Variants in DST observed in about 807,000 individuals in gnomAD.
DST encodes the protein bullous pemphigoid antigen.
Under a neutral mutation model 875.2 loss-of-function variants are expected in DST, and 253 were observed. The observed-to-expected ratio is 0.29, with a 90% CI of 0.26 to 0.32. DST has a LOEUF of 0.32. Among genes scored for constraint, DST ranks in the 10% least tolerant of loss-of-function variants. DST has a pLI of 1.00. For missense variants in DST, 8,287 were observed against 9,111.6 expected (o/e 0.91, Z 3.68); for synonymous variants, 3,124 against 3,197.1 (o/e 0.98, Z 0.77).
At chr6:56,596,282 C>T (rs1330951418) in intron 47 of DST, among the ~76,000 whole-genome samples, 2 of 152,136 alleles carry the variant, frequency 1.3e-5, no homozygotes, top group African/African-American at 4.8e-5. Context: ...CCGCCTCAGC[C>T]TCCCAAAGTG....
At chr6:56,827,728 C>G (rs2099782455) in intron 4 of DST, among the ~76,000 whole-genome samples, 1 of 152,098 alleles carries the variant, frequency 6.6e-6, no homozygotes, top group Non-Finnish European at 1.5e-5. Flanking sequence ...ATAGAGGGAA[C>G]TGAGGACACC....
intron 2 of DST, among the ~76,000 whole-genome samples, chr6:56,912,804 C>T (rs76142546): frequency 0.012 from 1,809 of 152,244 alleles, 34 homozygotes; most frequent in East Asian, 0.039. Context: ...GTACATCAGA[C>T]CTGTAAATGG....
intron 8 of DST, among the ~76,000 whole-genome samples, chr6:56,700,045 G>A (rs2099289301): frequency 1.3e-5 from 2 of 152,192 alleles, no homozygotes; most frequent in African/African-American, 2.4e-5. Flanking sequence ...GTTAGCAGCG[G>A]CCCAGGAAGC....
At chr6:56,763,248 CA>C (rs2099622063) in intron 4 of DST, among the ~76,000 whole-genome samples, 1 of 152,186 alleles carries the variant, frequency 6.6e-6, no homozygotes, top group Non-Finnish European at 1.5e-5. Flanking sequence ...ATATTTCAGG[CA>C]GGTCCACATA....
chr6:56,514,263 C>T (rs1055911289), intron 72 of DST, among the ~76,000 whole-genome samples: 2 of 152,118 alleles, frequency 1.3e-5, no homozygotes, highest in African/African-American at 4.8e-5. Context: ...AAGTAGATAT[C>T]AGATTTCTGC....
rs781369739 is a variant in DST, at chr6:56,788,128, C to CAAAAA, written c.626-52844_626-52840dup. ...TGAGTGACAGAGCAAGACTCCGTCTCAAAAAAAAAAAAAAAAAAAAAAAAA... is the reference window on the plus strand; with the variant it reads ...TGAGTGACAGAGCAAGACTCCGTCTCAAAAAAAAAAAAAAAAAAAAAAAAAAAAAA... On this transcript the variant is annotated intron_variant, in intron 4 of 103. Coordinates refer to ENST00000680361, the MANE Select transcript of DST (RefSeq NM_001374736.1). Among the ~76,000 whole-genome samples, 36 of 26,602 alleles carry CAAAAA rather than the reference C, an allele frequency of 1.4e-3. 4 individuals carry two copies. Among genetic ancestry groups the CAAAAA allele is most frequent in the African/African-American group, 5.2e-3 (27 of 5,146 alleles). 17.5% of individuals were successfully genotyped at this position (26,602 alleles called of 152,430 possible).
intron 90 of DST, among the ~76,000 whole-genome samples, chr6:56,478,866 A>AAT (rs1398861672): frequency 6.6e-6 from 1 of 152,210 alleles, no homozygotes; most frequent in Non-Finnish European, 1.5e-5. Context: ...TAGGCAAAGA[A>AAT]TTTATGACAA....
intron 46 of DST, 92 bp downstream of exon 46, chr6:56,598,384 C>A (rs1297993928): frequency 2.1e-5 from 16 of 751,664 alleles, no homozygotes; most frequent in Non-Finnish European, 3.2e-5. Context: ...TAGTGATAAT[C>A]CTTATTTACT....
intron 3 of DST, among the ~76,000 whole-genome samples, chr6:56,856,419 C>T (rs1767882260): frequency 6.6e-6 from 1 of 152,028 alleles, no homozygotes; most frequent in African/African-American, 2.4e-5. Flanking sequence ...TTTCATAAAC[C>T]CACATACCCA....
In DST at chr6:56,629,533, A is replaced by G. The variant is rs191321248; in HGVS notation, c.4282-90T>C. 495 of 957,556 alleles carry G rather than the reference A, an allele frequency of 5.2e-4. 3 individuals are homozygous for G. The highest frequency in any genetic ancestry group is 3.1e-3 in the Middle Eastern group (10 of 3,238). 59.3% of individuals were successfully genotyped at this position (957,556 alleles called of 1,614,324 possible). On this transcript the variant is annotated intron_variant, in intron 31 of 103. Coordinates refer to ENST00000680361, the MANE Select transcript of DST (RefSeq NM_001374736.1). ...TACCTAATTTTACAATTTATTTACA[A>G]ATGACAGGTAGAAAATAAGATAAAG... is the stretch of plus-strand genomic sequence containing the variant.
rs2098329229 is a variant in DST, at chr6:56,593,853, C to G, written c.12536G>C (p.Ser4179Thr). ...GTGAGAAATAACGTCTTCTGAGAAA[C>G]TCTTCTGCCTCTTCAATTTGGTCAT... ...GLMTKLKRQK[S>T]FSEDVISHKG... Residue 4179 changes from serine to threonine, a missense_variant, in exon 48 of 104, where the codon AGT becomes ACT. Coordinates refer to ENST00000680361, the MANE Select transcript of DST (RefSeq NM_001374736.1). The G allele has an allele frequency of 6.2e-7, 1 of 1,613,814 alleles. No individual in the cohort carries two copies. Among genetic ancestry groups the G allele is most frequent in the Admixed American group, 1.7e-5 (1 of 60,000 alleles).
intron 55 of DST, among the ~76,000 whole-genome samples, chr6:56,567,080 G>A (rs560161052): frequency 1.3e-5 from 2 of 152,188 alleles, no homozygotes; most frequent in African/African-American, 2.4e-5. Flanking sequence ...AAACACCACT[G>A]TGGGAACCAA....
rs1469056120 is a variant in DST, at chr6:56,472,112, G to A, written c.22105C>T (p.Leu7369=). The change falls in exon 94 of 104, where the codon CTG becomes TTG. Residue 7369 remains leucine (L), a synonymous_variant. Transcript: ENST00000680361. The stretch of plus-strand genomic sequence containing the variant: ...AGTTTCCTCCTTCTTTCCAACGCCA[G>A]GAGCCAGACTTGCTGCCATTTGCTC... ...LVSKWQQVWL[L]ALERRRKLND... 3 of 1,613,934 alleles carry A rather than the reference G, an allele frequency of 1.9e-6. No homozygotes were observed. The South Asian group carries it at 3.3e-5, about 18-fold the overall frequency.
At chr6:56,558,676 T>A (rs768830065) in intron 58 of DST, among the ~76,000 whole-genome samples, 1 of 152,134 alleles carries the variant, frequency 6.6e-6, no homozygotes, top group Non-Finnish European at 1.5e-5. Context: ...AATCCTTCAA[T>A]AACTAACTCC....
At chr6:56,652,660 C>G (rs1387243859) in intron 10 of DST, among the ~76,000 whole-genome samples, 1 of 152,134 alleles carries the variant, frequency 6.6e-6, no homozygotes, top group African/African-American at 2.4e-5. Flanking sequence ...GAAAACAGAC[C>G]TTTCAAGAAA....
chr6:56,692,403 G>A (rs761285115), intron 9 of DST: 17 of 1,276,484 alleles, frequency 1.3e-5, no homozygotes, highest in Non-Finnish European at 1.6e-5. Flanking sequence ...TTCCATCTGT[G>A]TCCTTAGAAA....
chr6:56,917,021 A>C, intron 2 of DST, among the ~76,000 whole-genome samples: 1 of 142,116 alleles, frequency 7.0e-6, no homozygotes, highest in Admixed American at 7.0e-5. Flanking sequence ...AAAAAAAGAC[A>C]GGCAGAGGCT....
chr6:56,481,222 C>G (rs889640383), intron 90 of DST, among the ~76,000 whole-genome samples: 3 of 152,084 alleles, frequency 2.0e-5, no homozygotes, highest in African/African-American at 7.2e-5. Context: ...GTATTTCCAG[C>G]CTGACTTCAA....
intron 78 of DST, among the ~76,000 whole-genome samples, chr6:56,501,927 T>A (rs2096141042): frequency 6.6e-6 from 1 of 152,122 alleles, no homozygotes; most frequent in African/African-American, 2.4e-5. Context: ...ATTTATAATT[T>A]TGACATTTCA....
Sources: allele counts gnomAD v4.1 joint callset (sites outside exome capture counted in the v4.1 genomes callset), GRCh38; gene constraint gnomAD v4.1.1; transcripts MANE v1.5; gene names NCBI Gene and HGNC (gene_info 2026-07-23, HGNC 2026-07-21).